The following ANKRD30B variants were observed in gnomAD, a reference collection of about 807,000 sequenced individuals.
ANKRD30B encodes ankyrin repeat domain 30B.
A neutral mutation model predicts 202.2 loss-of-function variants in ANKRD30B; 144 were observed. The ratio of observed to expected loss-of-function variants is 0.71; its 90% CI spans 0.62 to 0.82. ANKRD30B has a LOEUF of 0.82. Ranked by LOEUF, ANKRD30B falls within the 40% of genes least tolerant of loss-of-function variation. The pLI is 0.00. For missense variants in ANKRD30B, 1,487 were observed against 1,669.1 expected (o/e 0.89, Z 1.90); for synonymous variants, 508 against 561.3 (o/e 0.91, Z 1.34).
the ANKRD30B span, among the ~76,000 whole-genome samples, chr18:14,907,567 T>C: frequency 6.6e-6 from 1 of 152,316 alleles, no homozygotes; most frequent in African/African-American, 2.4e-5. Context: ...TGCTGAGGCA[T>C]GGACACGGCC....
chr18:14,922,969 G>A, the ANKRD30B span, among the ~76,000 whole-genome samples: 1 of 152,158 alleles, frequency 6.6e-6, no homozygotes, highest in Non-Finnish European at 1.5e-5. Context: ...GAGTCACCAG[G>A]CCCTACTTCC....
chr18:14,856,833 C>T (rs1972122940), downstream of ANKRD30B, among the ~76,000 whole-genome samples: 1 of 77,188 alleles, frequency 1.3e-5, no homozygotes, highest in Admixed American at 1.1e-4. Context: ...CCTCACCTCC[C>T]AGACAATGGG....
At chr18:14,829,658 C>A (rs138577508) in intron 33 of ANKRD30B, among the ~76,000 whole-genome samples, 177 of 152,200 alleles carry the variant, frequency 1.2e-3, no homozygotes, top group African/African-American at 3.9e-3. Context: ...GAAAGGCATA[C>A]TAAAATAGGG....
At chr18:14,865,158 C>CT in the ANKRD30B span, among the ~76,000 whole-genome samples, 1 of 150,750 alleles carries the variant, frequency 6.6e-6, no homozygotes, top group African/African-American at 2.4e-5. Flanking sequence ...ACTGTCTTTT[C>CT]TTTCTACACT....
At chr18:14,856,081 G>A (rs372468064), downstream of ANKRD30B, among the ~76,000 whole-genome samples, 40 of 138,820 alleles carry the variant, frequency 2.9e-4, 1 homozygote, top group East Asian at 4.0e-3. Flanking sequence ...TCCTAGATGG[G>A]GTGGCCGGGC....
the ANKRD30B span, among the ~76,000 whole-genome samples, chr18:14,878,657 C>A: frequency 6.6e-6 from 1 of 152,146 alleles, no homozygotes; most frequent in African/African-American, 2.4e-5. Flanking sequence ...TTTATCCCAG[C>A]CCCCTTTCCC....
chr18:14,771,852 T>C (rs1389581331), intron 8 of ANKRD30B, among the ~76,000 whole-genome samples: 1 of 152,226 alleles, frequency 6.6e-6, no homozygotes, highest in African/African-American at 2.4e-5. Context: ...GAGGATGAAT[T>C]ATACTCAGGG....
chr18:14,934,427 G>A, the ANKRD30B span, among the ~76,000 whole-genome samples: 5 of 152,158 alleles, frequency 3.3e-5, no homozygotes, highest in Admixed American at 6.5e-5. Context: ...AGGTCTGCCC[G>A]CCCTGCCTCC....
At chr18:14,795,914 C>T (rs1968850924) in intron 16 of ANKRD30B, among the ~76,000 whole-genome samples, 1 of 151,648 alleles carries the variant, frequency 6.6e-6, no homozygotes, top group South Asian at 2.1e-4. Context: ...AACTTCTTTC[C>T]CTATACGGCA....
chr18:14,751,082 T>C (rs1282964723), intron 1 of ANKRD30B, among the ~76,000 whole-genome samples: 1 of 152,066 alleles, frequency 6.6e-6, no homozygotes, highest in Admixed American at 6.5e-5. Flanking sequence ...GTATATTCTG[T>C]GAACTTTTAG....
At chr18:14,885,647 T>C in the ANKRD30B span, among the ~76,000 whole-genome samples, 1 of 152,014 alleles carries the variant, frequency 6.6e-6, no homozygotes, top group Non-Finnish European at 1.5e-5. Flanking sequence ...TTTATGTTCT[T>C]TGGCAGTCTA....
intron 30 of ANKRD30B, among the ~76,000 whole-genome samples, chr18:14,821,638 T>C (rs1970427574): frequency 1.3e-5 from 2 of 152,074 alleles, no homozygotes; most frequent in Admixed American, 1.3e-4. Context: ...TTGTATTTTT[T>C]GTGGAGACAG....
intron 37 of ANKRD30B, 94 bp from the exon 38 acceptor site, chr18:14,842,803 G>A: frequency 8.0e-7 from 1 of 1,247,622 alleles, no homozygotes; most frequent in Middle Eastern, 2.0e-4. Context: ...TCTCAAAGCT[G>A]AGAAAAAGGA....
At chr18:14,795,875 G>A (rs1968846185) in intron 16 of ANKRD30B, among the ~76,000 whole-genome samples, 1 of 150,814 alleles carries the variant, frequency 6.6e-6, no homozygotes, top group Non-Finnish European at 1.5e-5. Flanking sequence ...TTTGGCGGTG[G>A]GTCATGACTT....
At chr18:14,773,127 A>G (rs1199920026) in intron 9 of ANKRD30B, among the ~76,000 whole-genome samples, 2 of 152,184 alleles carry the variant, frequency 1.3e-5, no homozygotes, top group African/African-American at 2.4e-5. Flanking sequence ...GGAAGCAGAG[A>G]CTCTGAATAA....
intron 33 of ANKRD30B, among the ~76,000 whole-genome samples, chr18:14,829,383 A>G (rs539487500): frequency 6.6e-6 from 1 of 152,306 alleles, no homozygotes; most frequent in African/African-American, 2.4e-5. Flanking sequence ...TTATATCATC[A>G]TGTAAGTGAG....
At chr18:14,938,993 C>G in the ANKRD30B span, among the ~76,000 whole-genome samples, 2 of 152,184 alleles carry the variant, frequency 1.3e-5, no homozygotes, top group Non-Finnish European at 2.9e-5. Context: ...TGGCCACAGG[C>G]TGCTGTCATC....
intron 9 of ANKRD30B, among the ~76,000 whole-genome samples, chr18:14,776,619 TTTTC>T (rs1214000235): frequency 1.3e-5 from 2 of 152,216 alleles, no homozygotes; most frequent in African/African-American, 4.8e-5. Flanking sequence ...TCATCCTCAT[TTTTC>T]TAAGGTGAAG....
downstream of ANKRD30B, among the ~76,000 whole-genome samples, chr18:14,858,701 G>A (rs1972138044): frequency 1.4e-5 from 2 of 147,742 alleles, no homozygotes; most frequent in Admixed American, 1.3e-4. Flanking sequence ...TGGCCGGGCA[G>A]AGGCACTCCT....
Sources: gnomAD v4.1 joint callset for allele counts (sites outside exome capture counted in the v4.1 genomes callset) on GRCh38, gnomAD v4.1.1 for gene constraint, MANE v1.5 for transcripts, NCBI Gene and HGNC (gene_info 2026-07-23, HGNC 2026-07-21) for gene names.